The following PARP8 variants were observed in gnomAD, a reference collection of about 807,000 sequenced individuals.
PARP8 encodes the protein poly(ADP-ribose) polymerase family member 8, also known as protein mono-ADP-ribosyltransferase PARP8.
PARP8 carries 51 observed loss-of-function variants against 124.1 expected under a neutral mutation model. That is an observed-to-expected ratio of 0.41 (90% CI 0.33 to 0.52). PARP8 has a LOEUF of 0.52. PARP8 is among the 20% of genes least tolerant of loss of function. The probability of loss-of-function intolerance (pLI) is 0.21; values close to 1 mark genes in which losing one functional copy is unlikely to be tolerated. For synonymous variants in PARP8, 391 were observed against 361.5 expected, an observed-to-expected ratio of 1.08 and a Z score of -0.93; for missense variants, 860 against 1,018.9, an observed-to-expected ratio of 0.84 and a Z score of 2.12.
chr5:50,768,092 CAAT>C (rs1332034128), intron 7 of PARP8, among the ~76,000 whole-genome samples: 2 of 152,050 alleles, frequency 1.3e-5, no homozygotes, highest in Non-Finnish European at 2.9e-5. Context: ...ATAACCAACA[CAAT>C]GACTGCTGAT....
At chr5:50,825,075 A>G (rs1351407197) in intron 18 of PARP8, 100 bp downstream of exon 18, 16 of 988,022 alleles carry the variant, frequency 1.6e-5, no homozygotes, top group Non-Finnish European at 2.4e-5. Context: ...CTGTCTTACA[A>G]GCCCTGCAAT....
intron 2 of PARP8, among the ~76,000 whole-genome samples, chr5:50,721,513 C>T (rs1208948345): frequency 1.3e-5 from 2 of 151,988 alleles, no homozygotes; most frequent in Non-Finnish European, 2.9e-5. Context: ...GAATCTTCCC[C>T]TCCCATTTTT....
intron 2 of PARP8, among the ~76,000 whole-genome samples, chr5:50,678,582 G>A (rs1750907226): frequency 6.6e-6 from 1 of 152,272 alleles, no homozygotes; most frequent in South Asian, 2.1e-4. Flanking sequence ...GAGAAATGGA[G>A]ATTAGAGATC....
intron 2 of PARP8, among the ~76,000 whole-genome samples, chr5:50,734,873 A>G (rs917244841): frequency 8.5e-5 from 13 of 152,104 alleles, no homozygotes; most frequent in Admixed American, 7.2e-4. Flanking sequence ...CAAGACATGG[A>G]TTTACTCTTT....
At chr5:50,813,598 T>A (rs1409682473) in intron 14 of PARP8, among the ~76,000 whole-genome samples, 3 of 152,180 alleles carry the variant, frequency 2.0e-5, no homozygotes, top group African/African-American at 4.8e-5. Context: ...TTCTCCTGCC[T>A]GATTGCCCTG....
rs1742269464 is a variant in PARP8, at chr5:50,794,208, A to G, written c.739A>G (p.Ile247Val). Reference sequence around the variant, plus strand: ...ACAGAATTACCTTTGGATTGACAGAATCATGCAGACATTTGTTACACAGCA... The same window carrying G: ...ACAGAATTACCTTTGGATTGACAGAGTCATGCAGACATTTGTTACACAGCA... The part of the protein sequence containing the change: ...RFGLGHQLKK[I>V]MQTFVTQQWK... The change falls in exon 11 of 26, where the codon ATC becomes GTC. Residue 247 changes from isoleucine (I) to valine (V), a missense_variant and splice_region_variant. By Grantham distance (29) the Ile-to-Val change is conservative. Coordinates refer to ENST00000281631, the MANE Select transcript of PARP8 (RefSeq NM_024615.4). 6.2e-7 allele frequency: 1 copy of G among 1,610,558 alleles called. No individual in the cohort carries two copies. Among genetic ancestry groups the G allele is most frequent in the African/African-American group, 1.3e-5 (1 of 74,792 alleles).
intron 14 of PARP8, among the ~76,000 whole-genome samples, chr5:50,803,560 T>G (rs1743473628): frequency 6.6e-6 from 1 of 152,164 alleles, no homozygotes; most frequent in African/African-American, 2.4e-5. Context: ...TTAATCTCAA[T>G]GGACCTATCT....
chr5:50,754,543 A>G (rs1759694627), intron 3 of PARP8, among the ~76,000 whole-genome samples: 1 of 152,096 alleles, frequency 6.6e-6, no homozygotes, highest in Non-Finnish European at 1.5e-5. Context: ...ATGGTATTCC[A>G]TGGTGTATAT....
rs1282361204 is a variant in PARP8 at position 50,843,862 on chromosome 5, TAGAC to T, written c.*1797_*1800del. 6.6e-6 allele frequency: 1 copy of T among 151,792 alleles called. No individual in the cohort carries two copies. Among genetic ancestry groups the T allele is most frequent in the Non-Finnish European group, 1.5e-5 (1 of 67,828 alleles). The allele number at this position is 151,792 out of a possible 1,614,324, so 9.4% of individuals were successfully genotyped here. ...ATTTTTTTGAAATTAGTCTATACGTTAGACAGTCTATACATGACAAACATGAAGA... is the reference window on the plus strand; with the variant it reads ...ATTTTTTTGAAATTAGTCTATACGTTAGTCTATACATGACAAACATGAAGA... On this transcript the variant is annotated 3_prime_UTR_variant, in exon 26 of 26. Transcript: ENST00000281631.
chr5:50,716,213 A>G (rs1415783283), intron 2 of PARP8, among the ~76,000 whole-genome samples: 1 of 152,144 alleles, frequency 6.6e-6, no homozygotes, highest in Non-Finnish European at 1.5e-5. Context: ...TTAAATTACA[A>G]AGGAAGATGA....
chr5:50,687,173 C>G (rs1751962729), intron 2 of PARP8, among the ~76,000 whole-genome samples: 1 of 152,134 alleles, frequency 6.6e-6, no homozygotes, highest in Non-Finnish European at 1.5e-5. Flanking sequence ...GAATGCTTTG[C>G]TGCTTAGAAA....
At chr5:50,789,139 C>G (rs1741648883) in intron 10 of PARP8, among the ~76,000 whole-genome samples, 1 of 152,112 alleles carries the variant, frequency 6.6e-6, no homozygotes, top group Admixed American at 6.6e-5. Flanking sequence ...AATTGCCATT[C>G]CTACCGCTTT....
At chr5:50,777,382 TAAG>T (rs200289093) in intron 7 of PARP8, among the ~76,000 whole-genome samples, 2,239 of 152,338 alleles carry the variant, frequency 0.015, 55 homozygotes, top group African/African-American at 0.052. Context: ...CAGAATTTTA[TAAG>T]AATATCAAAA....
intron 14 of PARP8, among the ~76,000 whole-genome samples, chr5:50,804,408 A>G (rs2149670802): frequency 6.6e-6 from 1 of 152,280 alleles, no homozygotes; most frequent in East Asian, 1.9e-4. Context: ...TGGCGAATGG[A>G]AGATTGGATT....
intron 25 of PARP8, among the ~76,000 whole-genome samples, chr5:50,837,369 A>T (rs1188759602): frequency 6.6e-6 from 1 of 152,172 alleles, no homozygotes; most frequent in Non-Finnish European, 1.5e-5. Context: ...TTTCTCTATA[A>T]AAGATATGAT....
intron 25 of PARP8, among the ~76,000 whole-genome samples, chr5:50,838,108 C>T (rs563430552): frequency 6.6e-6 from 1 of 152,146 alleles, no homozygotes; most frequent in East Asian, 1.9e-4. Flanking sequence ...TATTTGCCCT[C>T]AAAAAGGGCT....
chr5:50,813,386 C>T (rs1176786963), intron 14 of PARP8, among the ~76,000 whole-genome samples: 11 of 130,764 alleles, frequency 8.4e-5, no homozygotes, highest in South Asian at 6.8e-4. Context: ...TGATTTGGCT[C>T]TCTGTTTGTC....
intron 3 of PARP8, among the ~76,000 whole-genome samples, chr5:50,756,417 A>G (rs996548228): frequency 3.3e-5 from 5 of 152,120 alleles, no homozygotes; most frequent in African/African-American, 1.2e-4. Flanking sequence ...ATTCTTCTCT[A>G]AACAAATTTT....
intron 2 of PARP8, among the ~76,000 whole-genome samples, chr5:50,674,580 CT>C (rs1269182581): frequency 6.6e-6 from 1 of 152,194 alleles, no homozygotes; most frequent in African/African-American, 2.4e-5. Flanking sequence ...GTGACCACAG[CT>C]TTTTCCATAT....
Sources: gnomAD v4.1 joint callset for allele counts (sites outside exome capture counted in the v4.1 genomes callset) on GRCh38, gnomAD v4.1.1 for gene constraint, MANE v1.5 for transcripts, NCBI Gene and HGNC (gene_info 2026-07-23, HGNC 2026-07-21) for gene names.